Variants in ERBB4 observed in about 807,000 individuals in gnomAD.
ERBB4 encodes the protein receptor tyrosine-protein kinase erbB-4.
In ERBB4, 42 loss-of-function variants were observed where a neutral mutation model predicts 158.0. That is an observed-to-expected ratio of 0.27 (90% CI 0.21 to 0.34). ERBB4 has a LOEUF of 0.34. Among genes scored for constraint, ERBB4 ranks in the 10% least tolerant of loss-of-function variants. The pLI is 1.00. For missense variants in ERBB4, 1,333 were observed against 1,624.1 expected (o/e 0.82, Z 3.08); for synonymous variants, 583 against 558.7 (o/e 1.04, Z -0.61).
intron 19 of ERBB4, among the ~76,000 whole-genome samples, chr2:211,610,596 G>A (rs766649083): frequency 5.9e-5 from 9 of 152,058 alleles, no homozygotes; most frequent in Admixed American, 1.3e-4. Context: ...CATAAGTATC[G>A]GTTGCTGTTC....
intron 2 of ERBB4, among the ~76,000 whole-genome samples, chr2:212,007,941 C>T (rs2076294775): frequency 6.6e-6 from 1 of 151,864 alleles, no homozygotes. Flanking sequence ...TGGTCATAAC[C>T]AGCACTATTG....
chr2:212,313,676 T>C (rs748740006), intron 1 of ERBB4, among the ~76,000 whole-genome samples: 1 of 151,054 alleles, frequency 6.6e-6, no homozygotes, highest in Non-Finnish European at 1.5e-5. Context: ...TCTCTTAGAA[T>C]GGCATTTTAA....
intron 1 of ERBB4, among the ~76,000 whole-genome samples, chr2:212,412,618 C>T (rs11688231): frequency 0.18 from 27,378 of 152,120 alleles, 2,886 homozygotes; most frequent in Non-Finnish European, 0.24. Context: ...CTCAGGTATT[C>T]CTTCACAGTA....
chr2:211,982,808 T>A (rs1575471202), intron 2 of ERBB4, among the ~76,000 whole-genome samples: 1 of 152,216 alleles, frequency 6.6e-6, no homozygotes, highest in East Asian at 1.9e-4. Context: ...ATTTTTTCAG[T>A]AATAATATTA....
chr2:211,447,868 T>C lies in ERBB4; in HGVS notation c.2488-16768A>G, dbSNP rs568613200. On this transcript the variant is annotated intron_variant, in intron 20 of 27. Transcript: ENST00000342788. ...AGGAATTAGAATATTTAAATCAAAGTCTGTACAAAACTGAACACTTCATTA... is the reference window on the plus strand; with the variant it reads ...AGGAATTAGAATATTTAAATCAAAGCCTGTACAAAACTGAACACTTCATTA... 3.9e-5 allele frequency among the ~76,000 whole-genome samples: 6 copies of C among 152,316 alleles called. No homozygotes were observed. The South Asian group carries it at 1.2e-3, about 32-fold the overall frequency.
At chr2:212,205,150 CAGACAGAT>C (rs1442290836) in intron 1 of ERBB4, among the ~76,000 whole-genome samples, 4 of 151,574 alleles carry the variant, frequency 2.6e-5, no homozygotes, top group African/African-American at 4.9e-5. Flanking sequence ...GACAGACAGA[CAGACAGAT>C]AGACAGATTT....
chr2:211,840,367 A>G (rs1055490692), intron 3 of ERBB4, among the ~76,000 whole-genome samples: 1 of 151,906 alleles, frequency 6.6e-6, no homozygotes, highest in African/African-American at 2.4e-5. Flanking sequence ...TTTCCTTTAT[A>G]AATTACCCAG....
At chr2:211,511,639 G>A (rs1376517976) in intron 20 of ERBB4, among the ~76,000 whole-genome samples, 1 of 151,826 alleles carries the variant, frequency 6.6e-6, no homozygotes, top group Non-Finnish European at 1.5e-5. Flanking sequence ...ATTGTTACCA[G>A]CTTCTATAAA....
intron 1 of ERBB4, among the ~76,000 whole-genome samples, chr2:212,272,079 C>T (rs372814136): frequency 6.6e-6 from 1 of 151,658 alleles, no homozygotes; most frequent in South Asian, 2.1e-4. Context: ...TAGCAATTAA[C>T]CTCAGTATTT....
intron 1 of ERBB4, among the ~76,000 whole-genome samples, chr2:212,143,695 C>T (rs1471729875): frequency 6.6e-6 from 1 of 152,042 alleles, no homozygotes; most frequent in African/African-American, 2.4e-5. Flanking sequence ...CTACAAGCCT[C>T]TTCCTTTTCG....
At chr2:212,534,754 A>T (rs773168424) in intron 1 of ERBB4, among the ~76,000 whole-genome samples, 11 of 152,218 alleles carry the variant, frequency 7.2e-5, no homozygotes, top group Non-Finnish European at 1.6e-4. Flanking sequence ...GATGATAAAT[A>T]GTACTTCTAT....
chr2:212,347,273 A>AATT (rs901115803), intron 1 of ERBB4, among the ~76,000 whole-genome samples: 5 of 152,126 alleles, frequency 3.3e-5, no homozygotes, highest in African/African-American at 7.2e-5. Flanking sequence ...TGACCTATAT[A>AATT]ATTGATTATA....
At chr2:211,653,124 AT>A (rs796821541) in intron 16 of ERBB4, among the ~76,000 whole-genome samples, 65 of 152,300 alleles carry the variant, frequency 4.3e-4, no homozygotes, top group African/African-American at 1.5e-3. Flanking sequence ...TGCTAAACAT[AT>A]TTTTTATAGG....
intron 2 of ERBB4, among the ~76,000 whole-genome samples, chr2:212,036,493 C>G (rs944289077): frequency 3.3e-5 from 5 of 150,284 alleles, no homozygotes; most frequent in African/African-American, 7.4e-5. Context: ...TAGATGGAGC[C>G]TTGCTCTGTC....
chr2:211,610,273 C>T (rs1319622076), intron 19 of ERBB4, among the ~76,000 whole-genome samples: 2 of 151,870 alleles, frequency 1.3e-5, no homozygotes, highest in Non-Finnish European at 2.9e-5. Flanking sequence ...AGCCTTTTTT[C>T]CCTTAACCAA....
intron 3 of ERBB4, among the ~76,000 whole-genome samples, chr2:211,921,511 C>T (rs376624411): frequency 6.6e-6 from 1 of 152,074 alleles, no homozygotes; most frequent in South Asian, 2.1e-4. Context: ...CTCCATCCAG[C>T]TATCCATTCA....
At position 212,379,317 on chromosome 2, in the gene ERBB4, C is replaced by T. The variant is rs542383625; in HGVS notation, c.82+159132G>A. Among the ~76,000 whole-genome samples, 6 of 151,758 alleles carry T rather than the reference C, an allele frequency of 4.0e-5. No individual in the cohort carries two copies. The East Asian group carries it at 5.8e-4, about 15-fold the overall frequency. On this transcript the variant is annotated intron_variant, in intron 1 of 27. Transcript: ENST00000342788. Reference sequence around the variant, plus strand: ...CATTTGCACACAGCAACAAAGTAGTCGTCAATATGCCAGTAACCACACAGT... The same window carrying T: ...CATTTGCACACAGCAACAAAGTAGTTGTCAATATGCCAGTAACCACACAGT...
intron 4 of ERBB4, among the ~76,000 whole-genome samples, chr2:211,759,051 A>T (rs2075348735): frequency 6.6e-6 from 1 of 152,186 alleles, no homozygotes; most frequent in Non-Finnish European, 1.5e-5. Flanking sequence ...TTATTCCTGT[A>T]CAGTCTTCCC....
chr2:212,038,247 T>C (rs1285495306), intron 2 of ERBB4, among the ~76,000 whole-genome samples: 1 of 152,026 alleles, frequency 6.6e-6, no homozygotes, highest in African/African-American at 2.4e-5. Context: ...ATCTATTATA[T>C]ATTAGTCTCT....
Sources: gnomAD v4.1 joint callset for allele counts (sites outside exome capture counted in the v4.1 genomes callset) on GRCh38, gnomAD v4.1.1 for gene constraint, MANE v1.5 for transcripts, NCBI Gene and HGNC (gene_info 2026-07-23, HGNC 2026-07-21) for gene names.